CCDC92B: variants seen among roughly 807,000 people sequenced by gnomAD.
The protein encoded by CCDC92B is coiled-coil domain-containing 92B.
CCDC92B carries 2 observed loss-of-function variants against 5.6 expected under a neutral mutation model. The ratio of observed to expected loss-of-function variants is 0.36; its 90% CI spans 0.15 to 1.12. The LOEUF (loss-of-function observed/expected upper bound fraction) is 1.12. Among genes scored for constraint, CCDC92B ranks in the 50% most tolerant of loss-of-function variants. The pLI is 0.40. For synonymous variants in CCDC92B, 115 were observed against 122.3 expected (o/e 0.94, Z 0.39); for missense variants, 271 against 262.2 (o/e 1.03, Z -0.23).
At chr17:2,746,490 C>T (rs182559466) in intron 1 of CCDC92B, among the ~76,000 whole-genome samples, 4 of 152,100 alleles carry the variant, frequency 2.6e-5, no homozygotes, top group Non-Finnish European at 4.4e-5. Context: ...TCCCCAAACA[C>T]GGGTAGAGTG....
At chr17:2,736,608 C>T (rs1016450273) in intron 1 of CCDC92B, among the ~76,000 whole-genome samples, 9 of 151,494 alleles carry the variant, frequency 5.9e-5, no homozygotes, top group African/African-American at 1.7e-4. Flanking sequence ...AGGCCGGACT[C>T]GGTGGTTCAC....
In CCDC92B at chr17:2,735,052, G is replaced by A. The variant is rs2151741527; in HGVS notation, c.94C>T (p.His32Tyr). 1 of 985,564 alleles carries A rather than the reference G, an allele frequency of 1.0e-6. No homozygotes were observed. The highest frequency in any genetic ancestry group is 1.2e-6 in the Non-Finnish European group (1 of 830,020). 61.1% of individuals were successfully genotyped at this position (985,564 alleles called of 1,614,324 possible). A position where few individuals can be genotyped will look rare whatever the true frequency, so the allele number is the denominator to read the frequency against. ...TTCTGCAGCCTCAGGATCTCCAGGT[G>A]CAGGTCTCGCAGCAGGGCCATCTGC... ...KEQMALLRDL[H>Y]LEILRLQKRC... The change falls in exon 2 of 4, where the codon CAC becomes TAC. Residue 32 changes from histidine (H) to tyrosine (Y), a missense_variant. Coordinates refer to ENST00000614400, the MANE Select transcript of CCDC92B (RefSeq NM_001355573.2).
rs377687457 is a variant in CCDC92B at position 2,726,709 on chromosome 17, GTT to G, written c.179-1711_179-1710del. 7.9e-3 allele frequency among the ~76,000 whole-genome samples: 1,202 copies of G among 152,008 alleles called. 12 individuals carry two copies. Among genetic ancestry groups the G allele is most frequent in the African/African-American group, 0.028 (1,144 of 41,476 alleles). On this transcript the variant is annotated intron_variant, in intron 3 of 3. Coordinates refer to ENST00000614400, the MANE Select transcript of CCDC92B (RefSeq NM_001355573.2). ...GTTCACTGCACCCTCTGCCTCCTGG[GTT>G]CAAGCGATTCTCCTGCCTCAGCCTC... is the stretch of plus-strand genomic sequence containing the variant.
At chr17:2,733,417 G>A (rs188744232) in intron 2 of CCDC92B, among the ~76,000 whole-genome samples, 5 of 151,992 alleles carry the variant, frequency 3.3e-5, no homozygotes, top group South Asian at 2.1e-4. Flanking sequence ...GTGCCACCAC[G>A]TCCGGCTAAT....
rs1354500841 is a variant in CCDC92B, at chr17:2,722,864, G to C, written c.*1547C>G. 1.3e-5 allele frequency: 2 copies of C among 152,580 alleles called. No homozygotes were observed. Among genetic ancestry groups the C allele is most frequent in the East Asian group, 3.9e-4 (2 of 5,194 alleles). 9.5% of individuals were successfully genotyped at this position (152,580 alleles called of 1,614,324 possible). On this transcript the variant is annotated 3_prime_UTR_variant, in exon 4 of 4. Transcript: ENST00000614400. ...AGGACCCACACAGGAGGGATGGCAC[G>C]GGCTGGAGGGGTTTGTGTTTCCTTC...
At chr17:2,738,804 C>T (rs1222506165) in intron 1 of CCDC92B, among the ~76,000 whole-genome samples, 3 of 150,438 alleles carry the variant, frequency 2.0e-5, no homozygotes, top group East Asian at 2.0e-4. Context: ...GGCACAGTGG[C>T]TCACGCCTGT....
At position 2,724,468 on chromosome 17, in the gene CCDC92B, G is replaced by C; in HGVS notation, c.711C>G (p.Asp237Glu). The change falls in exon 4 of 4, where the codon GAC becomes GAG. Residue 237 changes from aspartate to glutamate, a missense_variant. Physicochemically the swap from Asp to Glu is conservative, Grantham distance 45 (BLOSUM62 2). Coordinates refer to ENST00000614400, the MANE Select transcript of CCDC92B (RefSeq NM_001355573.2). The surrounding 1 kb of genome is among the most constrained non-coding windows in gnomAD (Gnocchi z 5.0). ...TGGGCGCGGGCTGCGGGCCGGCTCGGTCCGGGGGCTCCTGGGGAGGCGGCT... is the reference window on the plus strand; with the variant it reads ...TGGGCGCGGGCTGCGGGCCGGCTCGCTCCGGGGGCTCCTGGGGAGGCGGCT... ...PRQPPPQEPP[D>E]RAGPQPAPSQ... is the part of the protein sequence containing the mutation. The C allele has an allele frequency of 1.0e-6, 1 of 983,450 alleles. No individual in the cohort carries two copies. Among genetic ancestry groups the C allele is most frequent in the Non-Finnish European group, 1.2e-6 (1 of 829,172 alleles). 60.9% of individuals were successfully genotyped at this position (983,450 alleles called of 1,614,324 possible).
rs966199855 is a variant in CCDC92B at position 2,724,052 on chromosome 17, T to G, written c.*359A>C. 11 of 415,174 alleles carry G rather than the reference T, an allele frequency of 2.6e-5. No individual in the cohort carries two copies. The highest frequency in any genetic ancestry group is 3.2e-5 in the Non-Finnish European group (10 of 313,456). 25.7% of individuals were successfully genotyped at this position (415,174 alleles called of 1,614,324 possible). A position where few individuals can be genotyped will look rare whatever the true frequency, so the allele number is the denominator to read the frequency against. On this transcript the variant is annotated 3_prime_UTR_variant, in exon 4 of 4. Transcript: ENST00000614400. This position sits in a 1 kb window ranked among gnomAD's most constrained non-coding sequence, Gnocchi z 5.0. ...CCCTTTCCGTAGGCGAGCCCAGCCC[T>G]CCCCACCCCACCAAGGATTGTCGGC...
intron 2 of CCDC92B, among the ~76,000 whole-genome samples, chr17:2,734,711 A>T (rs924758227): frequency 6.6e-6 from 1 of 151,684 alleles, no homozygotes; most frequent in Non-Finnish European, 1.5e-5. Context: ...GATGGTCTTG[A>T]TCTCCTGACC....
intron 1 of CCDC92B, among the ~76,000 whole-genome samples, chr17:2,741,720 G>A (rs1221715516): frequency 2.0e-5 from 3 of 148,700 alleles, no homozygotes; most frequent in Non-Finnish European, 4.4e-5. Flanking sequence ...AGCCTCCCGA[G>A]TAGCTGGGAC....
At chr17:2,730,533 G>GTGTGTGTGTGTGTA (rs2070780644) in intron 2 of CCDC92B, 40 bp from the exon 3 acceptor site, 1 of 288,484 alleles carries the variant, frequency 3.5e-6, no homozygotes, top group Non-Finnish European at 5.0e-6. Context: ...GTGTGTGTGT[G>GTGTGTGTGTGTGTA]TGTGTGTGTG....
At position 2,722,277 on chromosome 17, in the gene CCDC92B, A is replaced by G. The variant is rs1468723703; in HGVS notation, c.*2134T>C. On this transcript the variant is annotated 3_prime_UTR_variant, in exon 4 of 4. Transcript: ENST00000614400. The stretch of plus-strand genomic sequence containing the variant: ...GGACAGAATAGGGGTGCAGTGAGTT[A>G]CACACACTTGAGGGGGGACAGAGAT... 1 of 152,098 alleles carries G rather than the reference A, an allele frequency of 6.6e-6. No individual in the cohort carries two copies. The allele number at this position is 152,098 out of a possible 1,614,324, so 9.4% of individuals were successfully genotyped here. A position where few individuals can be genotyped will look rare whatever the true frequency, so the allele number is the denominator to read the frequency against.
intron 1 of CCDC92B, among the ~76,000 whole-genome samples, chr17:2,737,630 C>T (rs113670858): frequency 6.6e-6 from 1 of 151,888 alleles, no homozygotes; most frequent in Non-Finnish European, 1.5e-5. Flanking sequence ...CACCACCACG[C>T]CCGGCTAATT....
rs1466425009 is a variant in CCDC92B at position 2,723,392 on chromosome 17, CG to C, written c.*1018del. The C allele has an allele frequency of 3.9e-5, 6 of 152,134 alleles. No homozygotes were observed. The highest frequency in any genetic ancestry group is 7.3e-5 in the Non-Finnish European group (5 of 68,112). The allele number at this position is 152,134 out of a possible 1,614,324, so 9.4% of individuals were successfully genotyped here. ...TTTTAGTAGAGACGGGGTTTCACCA[CG>C]TTGGCCAGGCTGGTCTCGAACTCCT... On this transcript the variant is annotated 3_prime_UTR_variant, in exon 4 of 4. Transcript: ENST00000614400.
chr17:2,736,883 A>T (rs367876110), intron 1 of CCDC92B, among the ~76,000 whole-genome samples: 3 of 145,896 alleles, frequency 2.1e-5, no homozygotes, highest in Non-Finnish European at 3.0e-5. Flanking sequence ...TCTGTCTCAA[A>T]AAATAAATAA....
chr17:2,735,801 A>C (rs78150095), intron 1 of CCDC92B, among the ~76,000 whole-genome samples: 3,605 of 152,250 alleles, frequency 0.024, 148 homozygotes, highest in African/African-American at 0.082. Flanking sequence ...GTAGAGAGAC[A>C]GAGAACCTGG....
chr17:2,724,313 G>T lies in CCDC92B; in HGVS notation c.*98C>A. On this transcript the variant is annotated 3_prime_UTR_variant, in exon 4 of 4. Transcript: ENST00000614400. The surrounding 1 kb of genome is among the most constrained non-coding windows in gnomAD (Gnocchi z 5.0). ...CCTCGCCCCGCTTCCTGGAGGAGGGGCGGCTGCCCTCCGACCCGGGACCTG... is the reference window on the plus strand; with the variant it reads ...CCTCGCCCCGCTTCCTGGAGGAGGGTCGGCTGCCCTCCGACCCGGGACCTG... 2 of 985,340 alleles carry T rather than the reference G, an allele frequency of 2.0e-6. No homozygotes were observed. The highest frequency in any genetic ancestry group is 2.4e-6 in the Non-Finnish European group (2 of 829,912). The allele number at this position is 985,340 out of a possible 1,614,324, so 61.0% of individuals were successfully genotyped here.
chr17:2,724,236 T>A lies in CCDC92B; in HGVS notation c.*175A>T. Reference sequence around the variant, plus strand: ...GAGAGGGCTCGAAGCTTTGGAAACGTCGGGAAGTACAAAAGGCTGGCGGTT... The same window carrying A: ...GAGAGGGCTCGAAGCTTTGGAAACGACGGGAAGTACAAAAGGCTGGCGGTT... On this transcript the variant is annotated 3_prime_UTR_variant, in exon 4 of 4. Transcript: ENST00000614400. This position sits in a 1 kb window ranked among gnomAD's most constrained non-coding sequence, Gnocchi z 5.0. 1.0e-6 allele frequency: 1 copy of A among 985,016 alleles called. No homozygotes were observed. The highest frequency in any genetic ancestry group is 1.2e-6 in the Non-Finnish European group (1 of 829,750). 61.0% of individuals were successfully genotyped at this position (985,016 alleles called of 1,614,324 possible). A position where few individuals can be genotyped will look rare whatever the true frequency, so the allele number is the denominator to read the frequency against.
At chr17:2,742,292 C>T (rs888786756) in intron 1 of CCDC92B, among the ~76,000 whole-genome samples, 12 of 151,974 alleles carry the variant, frequency 7.9e-5, no homozygotes, top group African/African-American at 2.2e-4. Context: ...CTATCCTTTG[C>T]ATTTTTAAAG....
Sources: gnomAD v4.1 joint callset for allele counts (sites outside exome capture counted in the v4.1 genomes callset) on GRCh38, gnomAD v4.1.1 for gene constraint, Gnocchi (gnomAD v3.1) non-coding constraint, MANE v1.5 for transcripts, NCBI Gene and HGNC (gene_info 2026-07-23, HGNC 2026-07-21) for gene names.